Variants in CHL1 observed in about 807,000 individuals in gnomAD.
The protein encoded by CHL1 is neural cell adhesion molecule L1-like protein.
In CHL1, 96 loss-of-function variants were observed where a neutral mutation model predicts 141.9. The observed-to-expected ratio is 0.68, with a 90% CI of 0.57 to 0.80. The LOEUF is 0.80. Among genes scored for constraint, CHL1 ranks in the 30% least tolerant of loss-of-function variants. CHL1 has a pLI of 0.00. For missense variants in CHL1, 1,820 were observed against 1,457.2 expected (o/e 1.25, Z -4.05); for synonymous variants, 613 against 502.2 (o/e 1.22, Z -2.95).
chr3:374,233 G>A (rs960109864), intron 15 of CHL1, among the ~76,000 whole-genome samples: 2 of 151,998 alleles, frequency 1.3e-5, no homozygotes, highest in Non-Finnish European at 2.9e-5. Flanking sequence ...TATATACAAA[G>A]GTTTGCAGAA....
At chr3:361,101 A>G (rs1424408442) in intron 12 of CHL1, among the ~76,000 whole-genome samples, 2 of 152,034 alleles carry the variant, frequency 1.3e-5, no homozygotes, top group Non-Finnish European at 2.9e-5. Flanking sequence ...GACAAACCTG[A>G]GAAAAACAAG....
At position 346,125 on chromosome 3, in the gene CHL1, C is replaced by A. The variant is rs540897987; in HGVS notation, c.848+1416C>A. On this transcript the variant is annotated intron_variant, in intron 9 of 27. Transcript: ENST00000256509. Reference sequence around the variant, plus strand: ...TCATATTCATTCATAATTTAGAGTACATTCTGAACGACTGGTTTAGAAATG... The same window carrying A: ...TCATATTCATTCATAATTTAGAGTAAATTCTGAACGACTGGTTTAGAAATG... Among the ~76,000 whole-genome samples, 7 of 152,264 alleles carry A rather than the reference C, an allele frequency of 4.6e-5. No homozygotes were observed. In the South Asian group the frequency reaches 1.2e-3, roughly 27 times the overall value.
In CHL1 at chr3:240,473, G is replaced by C. The variant is rs374069731; in HGVS notation, c.-174-4140G>C. Among the ~76,000 whole-genome samples the C allele has an allele frequency of 4.6e-5, 7 of 152,156 alleles. No individual in the cohort carries two copies. The South Asian group carries it at 1.5e-3, about 32-fold the overall frequency. ...TTGTTTTTTTCTTGCTAATTTGTTT[G>C]AGTTCCTTGTAGATTCTGGATGTCA... On this transcript the variant is annotated intron_variant, in intron 1 of 27. Coordinates refer to ENST00000256509, the MANE Select transcript of CHL1 (RefSeq NM_006614.4).
At chr3:281,158 A>T (rs1696617292) in intron 2 of CHL1, among the ~76,000 whole-genome samples, 1 of 152,156 alleles carries the variant, frequency 6.6e-6, no homozygotes, top group Non-Finnish European at 1.5e-5. Context: ...CACAACAAGG[A>T]ATTATTCAGT....
At chr3:323,668 C>T (rs898856604) in intron 3 of CHL1, among the ~76,000 whole-genome samples, 1 of 152,114 alleles carries the variant, frequency 6.6e-6, no homozygotes, top group Admixed American at 6.6e-5. Context: ...CAAATCAACC[C>T]TATTTCAACA....
At chr3:375,513 A>C (rs1443114022) in intron 15 of CHL1, among the ~76,000 whole-genome samples, 1 of 151,888 alleles carries the variant, frequency 6.6e-6, no homozygotes, top group Non-Finnish European at 1.5e-5. Context: ...TCATAGTGAA[A>C]GGTCTCTTTC....
At chr3:237,458 C>T (rs17265134) in intron 1 of CHL1, among the ~76,000 whole-genome samples, 10,791 of 152,216 alleles carry the variant, frequency 0.071, 427 homozygotes, top group Middle Eastern at 0.11. Context: ...AATACAGCCT[C>T]CTTTAGACAG....
intron 2 of CHL1, among the ~76,000 whole-genome samples, chr3:261,230 G>C (rs2125194842): frequency 6.6e-6 from 1 of 151,934 alleles, no homozygotes; most frequent in South Asian, 2.1e-4. Flanking sequence ...TTAGCATCAT[G>C]TTTACTAATT....
intron 1 of CHL1, among the ~76,000 whole-genome samples, chr3:201,250 C>T (rs556803188): frequency 1.2e-4 from 19 of 152,238 alleles, no homozygotes; most frequent in African/African-American, 4.6e-4. Context: ...AATTCTGTTT[C>T]GTTAACGAAT....
chr3:276,883 C>T lies in CHL1; in HGVS notation c.-95+32191C>T, dbSNP rs139434409. Among the ~76,000 whole-genome samples the T allele has an allele frequency of 3.0e-4, 38 of 127,286 alleles. No homozygotes were observed. In the East Asian group the frequency reaches 7.5e-3, roughly 25 times the overall value. 83.5% of individuals were successfully genotyped at this position (127,286 alleles called of 152,430 possible). A position where few individuals can be genotyped will look rare whatever the true frequency, so the allele number is the denominator to read the frequency against. ...CAGCCTGGGTGAAAGAGGAAGACTC[C>T]GTCTCCTAAAAAAAAAAAAAAAAAA... On this transcript the variant is annotated intron_variant, in intron 2 of 27. Transcript: ENST00000256509.
intron 15 of CHL1, among the ~76,000 whole-genome samples, chr3:371,909 T>C (rs1705683968): frequency 6.6e-6 from 1 of 152,212 alleles, no homozygotes; most frequent in African/African-American, 2.4e-5. Flanking sequence ...AAAATTCTTT[T>C]CTTTAAGAAT....
chr3:366,308 T>G (rs1380871301), intron 15 of CHL1, among the ~76,000 whole-genome samples, 193 bp downstream of exon 15: 1 of 151,720 alleles, frequency 6.6e-6, no homozygotes, highest in Non-Finnish European at 1.5e-5. Context: ...CCGTCTCCAC[T>G]AAAAATACAA....
chr3:367,259 T>G (rs893462525), intron 15 of CHL1, among the ~76,000 whole-genome samples: 2 of 152,234 alleles, frequency 1.3e-5, no homozygotes, highest in African/African-American at 4.8e-5. Flanking sequence ...ATCTCCCCTC[T>G]CATTAATTTT....
intron 1 of CHL1, among the ~76,000 whole-genome samples, chr3:242,321 G>A (rs1216423824): frequency 5.3e-4 from 81 of 151,776 alleles, no homozygotes; most frequent in African/African-American, 1.8e-3. Flanking sequence ...GACTGGCTGA[G>A]CGCGGTGGCT....
At chr3:336,849 A>C (rs1168607616) in intron 5 of CHL1, among the ~76,000 whole-genome samples, 2 of 152,204 alleles carry the variant, frequency 1.3e-5, no homozygotes, top group African/African-American at 4.8e-5. Context: ...TTGTATCTGC[A>C]GGTTGGTTGT....
At chr3:304,469 G>T (rs1420112923) in intron 2 of CHL1, among the ~76,000 whole-genome samples, 1 of 152,172 alleles carries the variant, frequency 6.6e-6, no homozygotes, top group Non-Finnish European at 1.5e-5. Context: ...TTAGACTTGG[G>T]AGGGTGTATG....
intron 15 of CHL1, among the ~76,000 whole-genome samples, chr3:373,200 G>A (rs1705868041): frequency 6.6e-6 from 1 of 152,238 alleles, no homozygotes; most frequent in African/African-American, 2.4e-5. Context: ...GAACTACCAG[G>A]AGGAGACGCT....
chr3:316,208 T>A (rs1700143830), intron 2 of CHL1, among the ~76,000 whole-genome samples: 1 of 152,096 alleles, frequency 6.6e-6, no homozygotes, highest in Non-Finnish European at 1.5e-5. Context: ...TGCCAGGGTC[T>A]ATGTCTGCAG....
chr3:360,838 A>G (rs1238358444), intron 12 of CHL1, among the ~76,000 whole-genome samples: 60 of 144,024 alleles, frequency 4.2e-4, no homozygotes, highest in South Asian at 2.4e-3. Context: ...GAGAATATGC[A>G]GTGTTTGGTT....
Sources: allele counts gnomAD v4.1 joint callset (sites outside exome capture counted in the v4.1 genomes callset), GRCh38; gene constraint gnomAD v4.1.1; transcripts MANE v1.5; gene names NCBI Gene and HGNC (gene_info 2026-07-23, HGNC 2026-07-21).